The following ITPR1 variants were observed in gnomAD, a reference collection of about 807,000 sequenced individuals.
ITPR1 encodes inositol 1,4,5-trisphosphate receptor type 1.
Under a neutral mutation model 318.4 loss-of-function variants are expected in ITPR1, and 96 were observed. The ratio of observed to expected loss-of-function variants is 0.30; its 90% CI spans 0.26 to 0.36. ITPR1 has a LOEUF of 0.36. ITPR1 is among the 10% of genes least tolerant of loss of function. The pLI, the probability that ITPR1 is intolerant of heterozygous loss-of-function variation, is 1.00. For missense variants in ITPR1, 2,440 were observed against 3,460.2 expected (o/e 0.71, Z 7.40); for synonymous variants, 1,312 against 1,289.9 (o/e 1.02, Z -0.37).
intron 44 of ITPR1, among the ~76,000 whole-genome samples, chr3:4,762,050 TAAG>T (rs34029760): frequency 0.29 from 43,696 of 152,002 alleles, 6,980 homozygotes; most frequent in Non-Finnish European, 0.36. Flanking sequence ...ACGCCCCTTC[TAAG>T]AAGAAGTATG....
At chr3:4,785,507 G>C (rs2047133441) in intron 51 of ITPR1, among the ~76,000 whole-genome samples, 1 of 152,158 alleles carries the variant, frequency 6.6e-6, no homozygotes, top group Admixed American at 6.5e-5. Flanking sequence ...AGGTCTCTGG[G>C]CTATCCTAAT....
chr3:4,576,019 C>CAAAAAAAAAAAAAAAAAAAAA (rs35517382), intron 4 of ITPR1, among the ~76,000 whole-genome samples: 1 of 80,780 alleles, frequency 1.2e-5, no homozygotes, highest in African/African-American at 3.8e-5. Flanking sequence ...GATGCTGTCT[C>CAAAAAAAAAAAAAAAAAAAAA]AAAAAAAAAA....
intron 4 of ITPR1, among the ~76,000 whole-genome samples, chr3:4,543,795 C>G (rs2084700994): frequency 6.6e-6 from 1 of 152,158 alleles, no homozygotes; most frequent in Non-Finnish European, 1.5e-5. Flanking sequence ...AGAAAATCCA[C>G]CTAATAGTGG....
intron 4 of ITPR1, among the ~76,000 whole-genome samples, chr3:4,620,339 T>A (rs1391114152): frequency 6.6e-6 from 1 of 152,184 alleles, no homozygotes; most frequent in African/African-American, 2.4e-5. Context: ...CCTGCAGGGT[T>A]TGAGAAGGAA....
At chr3:4,711,055 T>C (rs775463066) in intron 38 of ITPR1, among the ~76,000 whole-genome samples, 3 of 151,662 alleles carry the variant, frequency 2.0e-5, no homozygotes, top group Non-Finnish European at 4.4e-5. Context: ...TGACTAAAAA[T>C]ACAAAAATTA....
intron 4 of ITPR1, among the ~76,000 whole-genome samples, chr3:4,580,968 A>G (rs1386246685): frequency 6.6e-6 from 1 of 152,164 alleles, no homozygotes. Flanking sequence ...CAGAGCAGTT[A>G]ACTAACCTCT....
At position 4,756,988 on chromosome 3, in the gene ITPR1, G is replaced by A. The variant is rs912839447; in HGVS notation, c.5545-9542G>A. On this transcript the variant is annotated intron_variant, in intron 44 of 61. Transcript: ENST00000649015. The stretch of plus-strand genomic sequence containing the variant: ...GTTTCATAACAACCTTGCTGGGTGG[G>A]CCCCAGCTTCCATGTGATGCTGACA... 7.9e-5 allele frequency among the ~76,000 whole-genome samples: 12 copies of A among 152,268 alleles called. No homozygotes were observed. In the East Asian group the frequency reaches 2.3e-3, roughly 29 times the overall value.
chr3:4,708,746 G>T (rs2094810276), intron 37 of ITPR1, among the ~76,000 whole-genome samples: 1 of 152,220 alleles, frequency 6.6e-6, no homozygotes, highest in Non-Finnish European at 1.5e-5. Flanking sequence ...TAAAGGATTT[G>T]CATTATCCAG....
At chr3:4,677,333 A>T (rs550537152) in intron 24 of ITPR1, among the ~76,000 whole-genome samples, 2 of 152,298 alleles carry the variant, frequency 1.3e-5, no homozygotes, top group East Asian at 3.9e-4. Flanking sequence ...ATGTATTAAG[A>T]ATAAGTGCTA....
intron 37 of ITPR1, among the ~76,000 whole-genome samples, chr3:4,709,456 T>A (rs1474794491): frequency 6.6e-6 from 1 of 152,246 alleles, no homozygotes; most frequent in Non-Finnish European, 1.5e-5. Flanking sequence ...AAGCAGCTTT[T>A]CCCATGCAAA....
chr3:4,595,810 A>G (rs1257103223), intron 4 of ITPR1, among the ~76,000 whole-genome samples: 1 of 152,140 alleles, frequency 6.6e-6, no homozygotes, highest in East Asian at 1.9e-4. Flanking sequence ...CATTTAGGTC[A>G]CTGATGACCT....
chr3:4,787,232 G>A (rs1240041585), intron 51 of ITPR1, among the ~76,000 whole-genome samples: 1 of 144,838 alleles, frequency 6.9e-6, no homozygotes, highest in African/African-American at 2.5e-5. Context: ...CCAGATAAAA[G>A]TTGGTCACCT....
intron 10 of ITPR1, among the ~76,000 whole-genome samples, chr3:4,648,528 G>A (rs1330502591): frequency 6.6e-6 from 1 of 151,796 alleles, no homozygotes; most frequent in Non-Finnish European, 1.5e-5. Context: ...AAATTGTTTT[G>A]GCCAGGTGCG....
intron 13 of ITPR1, among the ~76,000 whole-genome samples, chr3:4,660,511 A>C (rs1325792888): frequency 6.6e-6 from 1 of 151,588 alleles, no homozygotes; most frequent in Non-Finnish European, 1.5e-5. Context: ...AAAATTTAGG[A>C]ATCTTATATT....
chr3:4,697,100 A>G (rs142345688), intron 33 of ITPR1, 47 bp from the exon 34 acceptor site: 117 of 1,597,644 alleles, frequency 7.3e-5, no homozygotes, highest in Middle Eastern at 1.7e-4. Flanking sequence ...AATGAGTTCC[A>G]TACACACCAA....
chr3:4,819,674 C>T lies in ITPR1; in HGVS notation c.8028+1432C>T, dbSNP rs188199165. Among the ~76,000 whole-genome samples, 134 of 152,284 alleles carry T rather than the reference C, an allele frequency of 8.8e-4. 1 individual carries two copies. The highest frequency in any genetic ancestry group is 1.9e-4 in the Non-Finnish European group (13 of 68,030). The stretch of plus-strand genomic sequence containing the variant: ...ATTGTATTTGGTTGTTAAAGTTACG[C>T]TCCATGGGGAACCCGGAGGAAGGGA... On this transcript the variant is annotated intron_variant, in intron 60 of 61. Coordinates refer to ENST00000649015, the MANE Select transcript of ITPR1 (RefSeq NM_001378452.1).
chr3:4,566,257 C>T (rs1255477096), intron 4 of ITPR1, among the ~76,000 whole-genome samples: 1 of 152,142 alleles, frequency 6.6e-6, no homozygotes, highest in Non-Finnish European at 1.5e-5. Flanking sequence ...TTGGATAGAT[C>T]TTCTAAGAGC....
At chr3:4,780,784 G>A (rs571235052) in intron 49 of ITPR1, among the ~76,000 whole-genome samples, 9 of 152,284 alleles carry the variant, frequency 5.9e-5, no homozygotes, top group Admixed American at 4.6e-4. Flanking sequence ...GGGGAGGCGA[G>A]GTTTGTCATT....
At chr3:4,775,178 A>G (rs1575202622) in intron 46 of ITPR1, 64 bp from the exon 47 acceptor site, 38 of 1,153,528 alleles carry the variant, frequency 3.3e-5, no homozygotes, top group Non-Finnish European at 1.3e-6. Flanking sequence ...GAATGGCAGG[A>G]TGAATAACGT....
Sources: gnomAD v4.1 joint callset for allele counts (sites outside exome capture counted in the v4.1 genomes callset) on GRCh38, gnomAD v4.1.1 for gene constraint, MANE v1.5 for transcripts, NCBI Gene and HGNC (gene_info 2026-07-23, HGNC 2026-07-21) for gene names.